The following RARB variants were observed in gnomAD, a reference collection of about 807,000 sequenced individuals.
The protein encoded by RARB is retinoic acid receptor beta, also known as HBV-activated protein.
Under a neutral mutation model 51.9 loss-of-function variants are expected in RARB, and 17 were observed. The observed-to-expected ratio is 0.33, with a 90% CI of 0.22 to 0.49. The LOEUF (loss-of-function observed/expected upper bound fraction) is 0.49, where lower values mean the gene tolerates loss of function less well. Ranked by LOEUF, RARB falls within the 20% of genes least tolerant of loss-of-function variation. RARB has a pLI of 0.99. For synonymous variants in RARB, 215 were observed against 195.4 expected (o/e 1.10, Z -0.84); for missense variants, 369 against 550.8 (o/e 0.67, Z 3.30).
chr3:25,092,962 G>T (rs1242853374), intron 3 of RARB, among the ~76,000 whole-genome samples: 1 of 152,100 alleles, frequency 6.6e-6, no homozygotes, highest in African/African-American at 2.4e-5. Context: ...TGAAAAAGGG[G>T]AATTTAAATT....
chr3:25,043,902 G>A (rs546690175), intron 2 of RARB, among the ~76,000 whole-genome samples: 215 of 152,286 alleles, frequency 1.4e-3, no homozygotes, highest in African/African-American at 5.1e-3. Flanking sequence ...TTGAGGAAAT[G>A]TGTGGTTGAT....
intron 5 of RARB, among the ~76,000 whole-genome samples, chr3:25,380,438 C>T (rs1173505553): frequency 6.6e-6 from 1 of 152,190 alleles, no homozygotes; most frequent in Non-Finnish European, 1.5e-5. Flanking sequence ...AGTTTTTTAG[C>T]AGGACTTGCT....
chr3:25,237,920 G>T (rs1463874270), intron 5 of RARB, among the ~76,000 whole-genome samples: 1 of 151,966 alleles, frequency 6.6e-6, no homozygotes, highest in African/African-American at 2.4e-5. Context: ...TACATATATA[G>T]AGAGAGTACA....
chr3:25,024,769 A>G (rs1395149816), intron 2 of RARB, among the ~76,000 whole-genome samples: 2 of 152,058 alleles, frequency 1.3e-5, no homozygotes, highest in African/African-American at 2.4e-5. Context: ...CCTCGCCAAT[A>G]TGGTGAAACC....
chr3:25,039,203 G>T (rs780036295), intron 2 of RARB, among the ~76,000 whole-genome samples: 1 of 152,148 alleles, frequency 6.6e-6, no homozygotes, highest in Non-Finnish European at 1.5e-5. Context: ...AGAGGGATAC[G>T]TATGAAACAA....
intron 5 of RARB, among the ~76,000 whole-genome samples, chr3:25,200,289 G>GA (rs1559502414): frequency 6.8e-6 from 1 of 146,280 alleles, no homozygotes; most frequent in African/African-American, 2.5e-5. Flanking sequence ...TTTCTGGTGG[G>GA]TTTTTTTTTT....
In RARB at chr3:25,162,224, C is replaced by G. The variant is rs373129335; in HGVS notation, c.-279-11895C>G. Among the ~76,000 whole-genome samples, 174 of 152,308 alleles carry G rather than the reference C, an allele frequency of 1.1e-3. 1 individual carries two copies. The highest frequency in any genetic ancestry group is 3.4e-3 in the Middle Eastern group (1 of 294). ...GGTCAATCAATCTTCCCCCATCAAC[C>G]TCTCAAGTAGCTAAGACTATAGGCA... On this transcript the variant is annotated intron_variant, in intron 4 of 11. Transcript: ENST00000383772.
At chr3:24,912,996 T>TTTTA (rs1491080482) in intron 2 of RARB, among the ~76,000 whole-genome samples, 1 of 133,006 alleles carries the variant, frequency 7.5e-6, no homozygotes, top group African/African-American at 2.9e-5. Context: ...TTTTTTTTTT[T>TTTTA]TGGAGACAGA....
intron 5 of RARB, among the ~76,000 whole-genome samples, chr3:25,334,105 T>C (rs1046646776): frequency 6.6e-6 from 1 of 152,216 alleles, no homozygotes; most frequent in African/African-American, 2.4e-5. Context: ...TCAACCATTG[T>C]GGAAGACAGT....
At chr3:25,041,396 T>C (rs1359993363) in intron 2 of RARB, among the ~76,000 whole-genome samples, 1 of 152,210 alleles carries the variant, frequency 6.6e-6, no homozygotes, top group Non-Finnish European at 1.5e-5. Flanking sequence ...ACTTGGAAAG[T>C]TCATAGAACA....
chr3:25,216,738 T>G (rs1448806880), intron 5 of RARB, among the ~76,000 whole-genome samples: 1 of 151,510 alleles, frequency 6.6e-6, no homozygotes, highest in Non-Finnish European at 1.5e-5. Flanking sequence ...GTACTACATA[T>G]ATATATATCT....
intron 2 of RARB, among the ~76,000 whole-genome samples, chr3:24,951,121 C>A (rs1161362683): frequency 6.6e-6 from 1 of 152,086 alleles, no homozygotes; most frequent in Non-Finnish European, 1.5e-5. Context: ...GATGACAGGG[C>A]AGGGAGAGAA....
At chr3:25,495,716 A>G (rs1163638452) in intron 2 of RARB, among the ~76,000 whole-genome samples, 1 of 152,252 alleles carries the variant, frequency 6.6e-6, no homozygotes, top group Non-Finnish European at 1.5e-5. Flanking sequence ...AGTGTGTAAC[A>G]CAGATCTGTC....
At chr3:25,289,111 G>T (rs1703723529) in intron 5 of RARB, among the ~76,000 whole-genome samples, 1 of 152,160 alleles carries the variant, frequency 6.6e-6, no homozygotes, top group African/African-American at 2.4e-5. Flanking sequence ...TTCACGTAGT[G>T]GATTAGAGCT....
chr3:25,193,455 G>C (rs571318982), intron 5 of RARB, among the ~76,000 whole-genome samples: 33 of 152,128 alleles, frequency 2.2e-4, no homozygotes, highest in Middle Eastern at 3.4e-3. Context: ...AATTATCTGA[G>C]TAAGATACTT....
At chr3:24,926,555 T>C (rs1695326017) in intron 2 of RARB, among the ~76,000 whole-genome samples, 1 of 152,066 alleles carries the variant, frequency 6.6e-6, no homozygotes, top group Non-Finnish European at 1.5e-5. Context: ...ACTTATGCTA[T>C]AGCTGTTAAA....
At chr3:24,991,323 G>A (rs1222150155) in intron 2 of RARB, among the ~76,000 whole-genome samples, 3 of 152,020 alleles carry the variant, frequency 2.0e-5, no homozygotes, top group Non-Finnish European at 4.4e-5. Flanking sequence ...CATGCCGGTA[G>A]TCCCAGCTAC....
At chr3:25,427,989 G>A (rs888648870), upstream of RARB, among the ~76,000 whole-genome samples, 2 of 152,182 alleles carry the variant, frequency 1.3e-5, no homozygotes, top group African/African-American at 4.8e-5. Context: ...ACGTGAGCCA[G>A]GAGCAGCGTC....
rs572972987 is a variant in RARB, at chr3:25,256,125, A to G, written c.178+81550A>G. Among the ~76,000 whole-genome samples, 39 of 152,300 alleles carry G rather than the reference A, an allele frequency of 2.6e-4. No individual in the cohort carries two copies. The South Asian group carries it at 8.1e-3, about 32-fold the overall frequency. ...AACAGGTGAATGAAAATATATGCCC[A>G]TTTAAACAAGCTGTGTTGCTGCTGC... On this transcript the variant is annotated intron_variant, in intron 5 of 11. Coordinates refer to the RARB transcript ENST00000383772.
Sources: gnomAD v4.1 joint callset for allele counts (sites outside exome capture counted in the v4.1 genomes callset) on GRCh38, gnomAD v4.1.1 for gene constraint, MANE v1.5 for transcripts, NCBI Gene and HGNC (gene_info 2026-07-23, HGNC 2026-07-21) for gene names.